FER: variants seen among roughly 807,000 people sequenced by gnomAD.
The protein encoded by FER is tyrosine-protein kinase Fer.
In FER, 63 loss-of-function variants were observed where a neutral mutation model predicts 111.0. The ratio of observed to expected loss-of-function variants is 0.57; its 90% CI spans 0.46 to 0.70. The LOEUF is 0.70. FER is among the 30% of genes least tolerant of loss of function. The probability of loss-of-function intolerance (pLI) is 0.00; values close to 1 mark genes in which losing one functional copy is unlikely to be tolerated. For synonymous variants in FER, 327 were observed against 313.9 expected (o/e 1.04, Z -0.44); for missense variants, 914 against 954.0 (o/e 0.96, Z 0.55).
rs141028887 is a variant in FER, at chr5:108,861,638, T to G, written c.482-6129T>G. On this transcript the variant is annotated intron_variant, in intron 5 of 19. Transcript: ENST00000281092. ...TGTCTGTTGAATGAAAAATAAGAATTTTTTCATTCTATGTACTTCACGTTA... is the reference window on the plus strand; with the variant it reads ...TGTCTGTTGAATGAAAAATAAGAATGTTTTCATTCTATGTACTTCACGTTA... Among the ~76,000 whole-genome samples, 1,471 of 152,222 alleles carry G rather than the reference T, an allele frequency of 9.7e-3. 25 individuals are homozygous for G. Among genetic ancestry groups the G allele is most frequent in the African/African-American group, 0.034 (1,405 of 41,552 alleles).
intron 9 of FER, among the ~76,000 whole-genome samples, chr5:108,892,695 G>T (rs1038432180): frequency 2.0e-5 from 3 of 152,062 alleles, no homozygotes; most frequent in African/African-American, 7.2e-5. Flanking sequence ...GTCAATTTTG[G>T]CTTTTGTTGC....
chr5:108,899,968 T>C (rs1749771978), intron 10 of FER, among the ~76,000 whole-genome samples: 1 of 152,242 alleles, frequency 6.6e-6, no homozygotes, highest in Non-Finnish European at 1.5e-5. Flanking sequence ...CTCGTGTCCA[T>C]TAATTCAATG....
At chr5:108,756,179 A>G (rs1220808599) in intron 1 of FER, among the ~76,000 whole-genome samples, 1 of 150,984 alleles carries the variant, frequency 6.6e-6, no homozygotes, top group African/African-American at 2.4e-5. Context: ...AAAAATAATA[A>G]TAATAAATAC....
intron 2 of FER, among the ~76,000 whole-genome samples, chr5:108,768,981 C>T (rs1158433496): frequency 3.3e-5 from 5 of 152,060 alleles, no homozygotes; most frequent in African/African-American, 1.2e-4. Flanking sequence ...CTCACCACCA[C>T]TCCTGGCTAA....
intron 2 of FER, among the ~76,000 whole-genome samples, chr5:108,775,980 C>A (rs571310710): frequency 1.3e-5 from 2 of 152,160 alleles, no homozygotes; most frequent in East Asian, 3.8e-4. Context: ...TATTCAAACA[C>A]AGTCACTCTA....
intron 11 of FER, among the ~76,000 whole-genome samples, chr5:108,953,391 C>T (rs72789310): frequency 0.013 from 2,039 of 151,980 alleles, 27 homozygotes; most frequent in Non-Finnish European, 0.02. Context: ...TTTACCAAAA[C>T]TTCCATATAT....
At chr5:108,817,839 T>A (rs1408433241) in intron 3 of FER, among the ~76,000 whole-genome samples, 4 of 152,230 alleles carry the variant, frequency 2.6e-5, no homozygotes, top group African/African-American at 9.6e-5. Context: ...AAAAGTTGCA[T>A]GCAGAGTTTA....
chr5:109,071,517 G>T (rs1361673873), intron 16 of FER, among the ~76,000 whole-genome samples: 2 of 151,882 alleles, frequency 1.3e-5, no homozygotes, highest in African/African-American at 2.4e-5. Context: ...ATCTCTATAT[G>T]TATCATCTTT....
rs145961478 is a variant in FER, at chr5:108,914,371, G to A, written c.1236+16523G>A. Among the ~76,000 whole-genome samples the A allele has an allele frequency of 1.3e-3, 203 of 151,996 alleles. 2 individuals are homozygous for A. Among genetic ancestry groups the A allele is most frequent in the African/African-American group, 4.6e-3 (191 of 41,472 alleles). ...GCCATACTTACTTTTCTCTGTTACC[G>A]ACTCTCTAACCATTATTATTACGTT... On this transcript the variant is annotated intron_variant, in intron 10 of 19. Transcript: ENST00000281092.
At chr5:109,185,588 A>G (rs969807832) in intron 18 of FER, among the ~76,000 whole-genome samples, 1 of 152,196 alleles carries the variant, frequency 6.6e-6, no homozygotes, top group African/African-American at 2.4e-5. Flanking sequence ...TCATTCAGAT[A>G]CCACAGAGAA....
At chr5:108,999,285 T>C (rs1764404309) in intron 13 of FER, among the ~76,000 whole-genome samples, 1 of 152,178 alleles carries the variant, frequency 6.6e-6, no homozygotes, top group Non-Finnish European at 1.5e-5. Flanking sequence ...TTTTATACAA[T>C]TTTACTATTC....
At chr5:109,032,204 A>G (rs925815239) in intron 13 of FER, among the ~76,000 whole-genome samples, 3 of 152,154 alleles carry the variant, frequency 2.0e-5, no homozygotes, top group Non-Finnish European at 2.9e-5. Context: ...GTTGGCAGCG[A>G]AGTAGAAAAA....
chr5:108,987,739 C>T (rs771279076), intron 13 of FER, among the ~76,000 whole-genome samples: 1 of 152,118 alleles, frequency 6.6e-6, no homozygotes, highest in Non-Finnish European at 1.5e-5. Context: ...CATTAGCAAA[C>T]AGCAACAGTT....
chr5:108,860,398 G>C (rs1437371163), intron 5 of FER, among the ~76,000 whole-genome samples: 3 of 152,176 alleles, frequency 2.0e-5, no homozygotes, highest in Non-Finnish European at 2.9e-5. Flanking sequence ...GAATTAGAAA[G>C]GGCAGATAAT....
chr5:109,069,925 A>G (rs1347868085), intron 16 of FER, among the ~76,000 whole-genome samples: 1 of 152,132 alleles, frequency 6.6e-6, no homozygotes, highest in Non-Finnish European at 1.5e-5. Flanking sequence ...TGGACAATAA[A>G]GTTGTTTTAT....
intron 18 of FER, among the ~76,000 whole-genome samples, chr5:109,185,711 CTAGACCTGGAATG>C (rs1297608733): frequency 1.3e-5 from 2 of 151,998 alleles, no homozygotes; most frequent in African/African-American, 4.8e-5. Flanking sequence ...GGTAATATTA[CTAGACCTGGAATG>C]TAAAACCAGT....
At chr5:108,794,524 G>GCC (rs1415651696) in intron 2 of FER, among the ~76,000 whole-genome samples, 862 of 53,576 alleles carry the variant, frequency 0.016, 2 homozygotes, top group African/African-American at 0.05. Context: ...TGCCCCCTCC[G>GCC]CACCCCCCCC....
chr5:109,160,701 C>G (rs1357540599), intron 17 of FER, among the ~76,000 whole-genome samples: 3 of 152,176 alleles, frequency 2.0e-5, no homozygotes, highest in Non-Finnish European at 4.4e-5. Flanking sequence ...TTGAGAAGCA[C>G]TGCCTGCTCT....
chr5:108,885,929 C>A (rs1422763001), intron 9 of FER, among the ~76,000 whole-genome samples: 2 of 151,886 alleles, frequency 1.3e-5, no homozygotes, highest in Non-Finnish European at 2.9e-5. Context: ...TCACCCATTG[C>A]ACATATAAAA....
Sources: allele counts gnomAD v4.1 joint callset (sites outside exome capture counted in the v4.1 genomes callset), GRCh38; gene constraint gnomAD v4.1.1; transcripts MANE v1.5; gene names NCBI Gene and HGNC (gene_info 2026-07-23, HGNC 2026-07-21).